The following CNTN4 variants were observed in gnomAD, a reference collection of about 807,000 sequenced individuals.
The protein encoded by CNTN4 is contactin-4.
In CNTN4, 77 loss-of-function variants were observed where a neutral mutation model predicts 122.5. The observed-to-expected ratio is 0.63, with a 90% CI of 0.52 to 0.76. The LOEUF (loss-of-function observed/expected upper bound fraction) is 0.76. CNTN4 is among the 30% of genes least tolerant of loss of function. The pLI, the probability that CNTN4 is intolerant of heterozygous loss-of-function variation, is 0.00. For missense variants in CNTN4, 1,256 were observed against 1,259.1 expected (o/e 1.00, Z 0.04); for synonymous variants, 512 against 447.0 (o/e 1.15, Z -1.83).
chr3:2,213,993 T>C (rs2038729025), intron 2 of CNTN4, among the ~76,000 whole-genome samples: 1 of 152,228 alleles, frequency 6.6e-6, no homozygotes. Context: ...CTGTGATTCA[T>C]TGCATCATGT....
In CNTN4 at chr3:2,916,658, C is replaced by A. The variant is rs547386149; in HGVS notation, c.1208-8971C>A. On this transcript the variant is annotated intron_variant, in intron 12 of 24. Transcript: ENST00000418658. The stretch of plus-strand genomic sequence containing the variant: ...TCTTTCCTTTCCCCACACTTCCCCC[C>A]CTTCCACTCGACAAAACCGCCATCG... 6.8e-4 allele frequency among the ~76,000 whole-genome samples: 63 copies of A among 93,218 alleles called. 20 individuals carry two copies. The South Asian group carries it at 0.017, about 25-fold the overall frequency. The allele number at this position is 93,218 out of a possible 152,430, so 61.2% of individuals were successfully genotyped here. A position where few individuals can be genotyped will look rare whatever the true frequency, so the allele number is the denominator to read the frequency against.
chr3:2,239,691 T>G (rs1304105213), intron 2 of CNTN4, among the ~76,000 whole-genome samples: 3 of 150,136 alleles, frequency 2.0e-5, no homozygotes, highest in Admixed American at 1.3e-4. Flanking sequence ...AATAGCAGTC[T>G]TCTTCTTATA....
intron 2 of CNTN4, among the ~76,000 whole-genome samples, chr3:2,188,603 C>G (rs2037381698): frequency 6.6e-6 from 1 of 152,048 alleles, no homozygotes; most frequent in Non-Finnish European, 1.5e-5. Flanking sequence ...TTTCTGGGTT[C>G]TAGGGAGGGA....
chr3:2,223,017 G>A lies in CNTN4; in HGVS notation c.-144-116161G>A, dbSNP rs2039122982. Among the ~76,000 whole-genome samples, 4 of 152,280 alleles carry A rather than the reference G, an allele frequency of 2.6e-5. No individual in the cohort carries two copies. In the South Asian group the frequency reaches 8.3e-4, roughly 32 times the overall value. On this transcript the variant is annotated intron_variant, in intron 2 of 24. Transcript: ENST00000418658. ...GAAGTCACATTGCTTGTGCTACCAT[G>A]TTTTATGCCCCATTTTGCATTCTTT... is the stretch of plus-strand genomic sequence containing the variant.
intron 2 of CNTN4, among the ~76,000 whole-genome samples, chr3:2,310,523 C>T (rs189521930): frequency 1.3e-5 from 2 of 152,236 alleles, no homozygotes; most frequent in African/African-American, 2.4e-5. Flanking sequence ...ACCGCCTTCC[C>T]ACTTTTTCAC....
chr3:2,346,914 G>C (rs1208266584), intron 3 of CNTN4, among the ~76,000 whole-genome samples: 4 of 152,036 alleles, frequency 2.6e-5, no homozygotes, highest in African/African-American at 7.2e-5. Flanking sequence ...GTGAATATTG[G>C]TATTTCTAAA....
intron 18 of CNTN4, chr3:3,037,586 GC>G (rs1699724229): frequency 4.2e-6 from 2 of 479,570 alleles, no homozygotes; most frequent in South Asian, 4.4e-5. Context: ...TCAAAAGCCA[GC>G]CCTTTCTTCA....
At chr3:2,112,068 G>A (rs2033004865) in intron 2 of CNTN4, among the ~76,000 whole-genome samples, 1 of 152,094 alleles carries the variant, frequency 6.6e-6, no homozygotes, top group Admixed American at 6.5e-5. Flanking sequence ...ATTACTGCGA[G>A]CCACTGTATC....
Position 3,014,046 on chromosome 3 carries a change from G to GCACACACA in CNTN4, c.1487-12056_1487-12055insCACACACA, listed in dbSNP as rs1559789736. Among the ~76,000 whole-genome samples the GCACACACA allele has an allele frequency of 1.2e-3, 106 of 87,812 alleles. 1 individual carries two copies. The highest frequency in any genetic ancestry group is 0.01 in the Admixed American group (86 of 8,492). 57.6% of individuals were successfully genotyped at this position (87,812 alleles called of 152,430 possible). On this transcript the variant is annotated intron_variant, in intron 14 of 24. Coordinates refer to ENST00000418658, the MANE Select transcript of CNTN4 (RefSeq NM_175607.3). ...TTTATTGAGGAACAGACATTTAAATGTACACACACACACACACACACACAC... is the reference window on the plus strand; with the variant it reads ...TTTATTGAGGAACAGACATTTAAATGCACACACATACACACACACACACACACACACAC...
chr3:2,528,314 G>A (rs115421892), intron 3 of CNTN4, among the ~76,000 whole-genome samples: 1,744 of 152,050 alleles, frequency 0.011, 11 homozygotes, highest in Non-Finnish European at 0.016. Context: ...CTATTTTATT[G>A]GAATTGGATT....
chr3:2,588,166 A>G lies in CNTN4; in HGVS notation c.55+16608A>G, dbSNP rs141984233. Among the ~76,000 whole-genome samples the G allele has an allele frequency of 3.5e-4, 54 of 152,288 alleles. No homozygotes were observed. In the East Asian group the frequency reaches 6.0e-3, roughly 17 times the overall value. ...AGATAAAGACAACAGAAACAAATGT[A>G]TTAAAGCCTGGCACGTCCTCAGAAG... On this transcript the variant is annotated intron_variant, in intron 4 of 24. Transcript: ENST00000418658.
At chr3:2,213,283 C>T (rs997875239) in intron 2 of CNTN4, among the ~76,000 whole-genome samples, 3 of 152,130 alleles carry the variant, frequency 2.0e-5, no homozygotes, top group African/African-American at 4.8e-5. Flanking sequence ...ATCTGGGGCT[C>T]GTAACTTTCA....
intron 3 of CNTN4, among the ~76,000 whole-genome samples, chr3:2,532,053 T>G (rs1479114889): frequency 6.6e-6 from 1 of 152,214 alleles, no homozygotes; most frequent in Non-Finnish European, 1.5e-5. Context: ...GTAATTGACT[T>G]CTTAACTCAC....
intron 14 of CNTN4, among the ~76,000 whole-genome samples, chr3:2,996,374 A>G (rs1350098065): frequency 6.6e-6 from 1 of 152,172 alleles, no homozygotes; most frequent in Non-Finnish European, 1.5e-5. Flanking sequence ...AGCCATCCAG[A>G]CAGGAGGTCT....
At chr3:2,880,715 T>C (rs1577136117) in intron 8 of CNTN4, among the ~76,000 whole-genome samples, 1 of 152,212 alleles carries the variant, frequency 6.6e-6, no homozygotes, top group Non-Finnish European at 1.5e-5. Flanking sequence ...GTAGTGTTAT[T>C]CATTTCGTGG....
chr3:2,490,820 T>C (rs754461848), intron 3 of CNTN4, among the ~76,000 whole-genome samples: 3 of 152,190 alleles, frequency 2.0e-5, no homozygotes, highest in Non-Finnish European at 4.4e-5. Context: ...ATACTTCTCT[T>C]CCTTGCTGGA....
intron 3 of CNTN4, among the ~76,000 whole-genome samples, chr3:2,384,257 G>A (rs1405777415): frequency 6.6e-6 from 1 of 152,106 alleles, no homozygotes; most frequent in African/African-American, 2.4e-5. Context: ...CTGGTGTACT[G>A]ATGGACCTGC....
intron 6 of CNTN4, among the ~76,000 whole-genome samples, chr3:2,818,182 C>T (rs771402597): frequency 2.0e-5 from 3 of 152,156 alleles, no homozygotes; most frequent in Admixed American, 6.6e-5. Context: ...TCAGATGGTA[C>T]TTAATGGAGT....
chr3:2,527,112 C>T (rs1170388279), intron 3 of CNTN4, among the ~76,000 whole-genome samples: 4 of 152,256 alleles, frequency 2.6e-5, no homozygotes, highest in Middle Eastern at 6.8e-3. Context: ...AGTGTGGGTG[C>T]ACTTGGGCTT....
Sources: gnomAD v4.1 joint callset for allele counts (sites outside exome capture counted in the v4.1 genomes callset) on GRCh38, gnomAD v4.1.1 for gene constraint, MANE v1.5 for transcripts, NCBI Gene and HGNC (gene_info 2026-07-23, HGNC 2026-07-21) for gene names.